The following PALD1 variants were observed in gnomAD, a reference collection of about 807,000 sequenced individuals.
PALD1 encodes phosphatase domain containing paladin 1.
A neutral mutation model predicts 96.0 loss-of-function variants in PALD1; 57 were observed. The ratio of observed to expected loss-of-function variants is 0.59; its 90% CI spans 0.48 to 0.74. The LOEUF (loss-of-function observed/expected upper bound fraction) is 0.74. PALD1 is among the 30% of genes least tolerant of loss of function. The probability of loss-of-function intolerance (pLI) is 0.00; values close to 1 mark genes in which losing one functional copy is unlikely to be tolerated. For synonymous variants in PALD1, 464 were observed against 473.6 expected (o/e 0.98, Z 0.26); for missense variants, 1,063 against 1,143.7 (o/e 0.93, Z 1.02).
At chr10:70,559,612 G>A (rs1271272673) in intron 18 of PALD1, among the ~76,000 whole-genome samples, 1 of 152,142 alleles carries the variant, frequency 6.6e-6, no homozygotes, top group Non-Finnish European at 1.5e-5. Context: ...GAGGTGTTTC[G>A]AAGTGGAGCC....
chr10:70,567,959 G>C lies in PALD1; in HGVS notation c.*1226G>C, dbSNP rs4746053. ...ACCTTGCTTGGCTCACTGGGACCAG[G>C]AAAGCCTGTCTTTGGTTAGGCTCGT... On this transcript the variant is annotated 3_prime_UTR_variant, in exon 20 of 20. Coordinates refer to ENST00000263563, the MANE Select transcript of PALD1 (RefSeq NM_014431.3). 19,722 of 151,760 alleles carry C rather than the reference G, an allele frequency of 0.13. 1,348 individuals carry two copies. Among genetic ancestry groups the C allele is most frequent in the African/African-American group, 0.17 (7,198 of 41,316 alleles). The allele number at this position is 151,760 out of a possible 1,614,324, so 9.4% of individuals were successfully genotyped here. A position where few individuals can be genotyped will look rare whatever the true frequency, so the allele number is the denominator to read the frequency against.
At chr10:70,463,006 T>A in the PALD1 span, among the ~76,000 whole-genome samples, 3 of 152,212 alleles carry the variant, frequency 2.0e-5, no homozygotes, top group Admixed American at 1.3e-4. Flanking sequence ...ACTGGAAAGA[T>A]CTGGCGTGGG....
At chr10:70,475,128 C>A (rs915597204), upstream of PALD1, among the ~76,000 whole-genome samples, 1 of 152,224 alleles carries the variant, frequency 6.6e-6, no homozygotes, top group Non-Finnish European at 1.5e-5. Context: ...CATCATTTTA[C>A]AAATGAGGAG....
rs926866425 is a variant in PALD1 at position 70,529,987 on chromosome 10, G to A, written c.387G>A (p.Gly129=). Residue 129 remains glycine, a synonymous_variant, in exon 4 of 20, where the codon GGG becomes GGA. Transcript: ENST00000263563. The part of the protein sequence containing the change: ...GAPNFRQVQG[G]LTVFGMGQPS... ...CCAACTTCCGGCAGGTGCAGGGTGG[G>A]CTCACTGTGTTCGGCATGGGACAGC... 1 of 1,609,486 alleles carries A rather than the reference G, an allele frequency of 6.2e-7. No homozygotes were observed. Among genetic ancestry groups the A allele is most frequent in the Non-Finnish European group, 8.5e-7 (1 of 1,177,982 alleles).
At chr10:70,465,007 C>G in the PALD1 span, among the ~76,000 whole-genome samples, 2 of 151,166 alleles carry the variant, frequency 1.3e-5, no homozygotes, top group African/African-American at 4.9e-5. Flanking sequence ...TGGAGTCTCG[C>G]TCTGTTGCCC....
chr10:70,513,348 T>C (rs970277501), intron 1 of PALD1, among the ~76,000 whole-genome samples: 1 of 151,788 alleles, frequency 6.6e-6, no homozygotes, highest in East Asian at 1.9e-4. Context: ...AATAAATAAA[T>C]AAATAATTAA....
intron 18 of PALD1, among the ~76,000 whole-genome samples, chr10:70,562,226 C>T (rs1847754401): frequency 6.6e-6 from 1 of 152,246 alleles, no homozygotes; most frequent in Non-Finnish European, 1.5e-5. Flanking sequence ...TCCCCTCGCC[C>T]CTCTTGGGCA....
At chr10:70,546,445 A>G (rs548325184) in intron 17 of PALD1, among the ~76,000 whole-genome samples, 13 of 152,216 alleles carry the variant, frequency 8.5e-5, no homozygotes, top group African/African-American at 2.9e-4. Flanking sequence ...AATGTAAACC[A>G]CTTCTTGATT....
At chr10:70,500,280 C>T (rs1846268964) in intron 1 of PALD1, among the ~76,000 whole-genome samples, 1 of 152,140 alleles carries the variant, frequency 6.6e-6, no homozygotes, top group African/African-American at 2.4e-5. Flanking sequence ...TGCTCAGGTG[C>T]CTCCACATGG....
At chr10:70,503,706 T>C (rs1846337419) in intron 1 of PALD1, among the ~76,000 whole-genome samples, 1 of 152,230 alleles carries the variant, frequency 6.6e-6, no homozygotes, top group Non-Finnish European at 1.5e-5. Context: ...TCATTTGCCT[T>C]GTAACTTCGT....
intron 10 of PALD1, among the ~76,000 whole-genome samples, chr10:70,535,216 G>GAA (rs1253251834): frequency 6.6e-6 from 1 of 152,226 alleles, no homozygotes; most frequent in Admixed American, 6.5e-5. Context: ...GGCTGCTTCT[G>GAA]AAAGACTTAT....
chr10:70,501,459 G>A (rs1846292237), intron 1 of PALD1, among the ~76,000 whole-genome samples: 2 of 152,204 alleles, frequency 1.3e-5, no homozygotes, highest in South Asian at 2.1e-4. Context: ...TGGGCCTCTG[G>A]TGAGGGACAG....
chr10:70,555,883 C>G (rs1369212219), intron 18 of PALD1, among the ~76,000 whole-genome samples: 1 of 152,148 alleles, frequency 6.6e-6, no homozygotes, highest in Non-Finnish European at 1.5e-5. Context: ...CACCTGTAGT[C>G]CCAGCTACTT....
At position 70,564,429 on chromosome 10, in the gene PALD1, G is replaced by C. The variant is rs749599488; in HGVS notation, c.2328G>C (p.Glu776Asp). Residue 776 changes from glutamate to aspartate, a missense_variant, in exon 19 of 20, where the codon GAG becomes GAC. Physicochemically the swap from Glu to Asp is conservative, Grantham distance 45. Transcript: ENST00000263563. ...RLQLRSLQYL[E>D]RYVCLILFNA... is the part of the protein sequence containing the mutation. ...AGCTGCGGAGCCTGCAGTACTTGGAGCGCTATGTCTGCCTGATTCTCTTCA... is the reference window on the plus strand; with the variant it reads ...AGCTGCGGAGCCTGCAGTACTTGGACCGCTATGTCTGCCTGATTCTCTTCA... The C allele has an allele frequency of 6.8e-6, 11 of 1,614,154 alleles. No individual in the cohort carries two copies. Among genetic ancestry groups the C allele is most frequent in the Non-Finnish European group, 9.3e-6 (11 of 1,179,982 alleles).
At chr10:70,494,509 C>T (rs1846155686) in intron 1 of PALD1, among the ~76,000 whole-genome samples, 1 of 152,208 alleles carries the variant, frequency 6.6e-6, no homozygotes. Flanking sequence ...TCTGGCTGAA[C>T]CACAGTTGCC....
intron 1 of PALD1, among the ~76,000 whole-genome samples, chr10:70,493,185 T>C (rs1161382983): frequency 6.6e-6 from 1 of 152,218 alleles, no homozygotes; most frequent in Non-Finnish European, 1.5e-5. Context: ...AGTGGCATGA[T>C]TGCAGTTCAC....
In PALD1 at chr10:70,531,270, C is replaced by T. The variant is rs372314969; in HGVS notation, c.469-20C>T. On this transcript the variant is annotated intron_variant, in intron 4 of 19. Transcript: ENST00000263563. ...GCGGGATCATGATGATGGCTTCCTT[C>T]CCCCTCGGGCTCCTGGCAGGAGTGT... The T allele has an allele frequency of 1.1e-4, 184 of 1,603,272 alleles. No homozygotes were observed. Among genetic ancestry groups the T allele is most frequent in the Non-Finnish European group, 1.5e-4 (176 of 1,171,792 alleles).
chr10:70,565,390 C>A (rs1316251488), intron 19 of PALD1, among the ~76,000 whole-genome samples: 1 of 152,212 alleles, frequency 6.6e-6, no homozygotes, highest in African/African-American at 2.4e-5. Context: ...CCCTCCTTGG[C>A]AAAGCGGCCT....
chr10:70,507,246 AC>A (rs1159780477), intron 1 of PALD1, among the ~76,000 whole-genome samples: 1,526 of 120,128 alleles, frequency 0.013, 19 homozygotes, highest in African/African-American at 0.035. Flanking sequence ...TACTAAAAAT[AC>A]AAAAAAAAAA....
Sources: allele counts gnomAD v4.1 joint callset (sites outside exome capture counted in the v4.1 genomes callset), GRCh38; gene constraint gnomAD v4.1.1; transcripts MANE v1.5; gene names NCBI Gene and HGNC (gene_info 2026-07-23, HGNC 2026-07-21).